RALYL: variants seen among roughly 807,000 people sequenced by gnomAD.
RALYL encodes the protein RNA-binding Raly-like protein.
In RALYL, 29 loss-of-function variants were observed where a neutral mutation model predicts 35.1. That is an observed-to-expected ratio of 0.83 (90% CI 0.61 to 1.13). The LOEUF is 1.13. Ranked by LOEUF, RALYL falls within the 50% of genes most tolerant of loss-of-function variation. RALYL has a pLI of 0.00. For synonymous variants in RALYL, 120 were observed against 127.6 expected (o/e 0.94, Z 0.40); for missense variants, 359 against 360.4 (o/e 1.00, Z 0.03).
chr8:84,689,815 T>G (rs1182648697), intron 2 of RALYL, among the ~76,000 whole-genome samples: 1 of 152,196 alleles, frequency 6.6e-6, no homozygotes, highest in Non-Finnish European at 1.5e-5. Flanking sequence ...GATTTGCATT[T>G]CTCTGATGGC....
At chr8:84,237,913 A>G (rs2131526809) in intron 1 of RALYL, among the ~76,000 whole-genome samples, 1 of 152,230 alleles carries the variant, frequency 6.6e-6, no homozygotes. Flanking sequence ...GGTACACCAA[A>G]AGAGGCCAAA....
intron 1 of RALYL, among the ~76,000 whole-genome samples, chr8:84,511,888 C>G (rs1477684610): frequency 6.6e-6 from 1 of 152,128 alleles, no homozygotes; most frequent in Non-Finnish European, 1.5e-5. Flanking sequence ...CTTTTTATGG[C>G]TAGATAGTAT....
At chr8:84,585,325 T>C (rs1363212454) in intron 2 of RALYL, among the ~76,000 whole-genome samples, 1 of 152,168 alleles carries the variant, frequency 6.6e-6, no homozygotes, top group Non-Finnish European at 1.5e-5. Flanking sequence ...AATTCAGTGC[T>C]GTGTATATTC....
intron 1 of RALYL, among the ~76,000 whole-genome samples, chr8:84,414,359 G>A (rs1476029407): frequency 6.6e-6 from 1 of 152,006 alleles, no homozygotes; most frequent in African/African-American, 2.4e-5. Flanking sequence ...GCTAAAAATA[G>A]CCTCTTTTGA....
At chr8:84,746,709 A>G (rs1808690127) in intron 2 of RALYL, among the ~76,000 whole-genome samples, 1 of 151,986 alleles carries the variant, frequency 6.6e-6, no homozygotes, top group Non-Finnish European at 1.5e-5. Context: ...AACTAGCCCC[A>G]TGCATAAAGT....
intron 1 of RALYL, among the ~76,000 whole-genome samples, chr8:84,337,506 T>C (rs1848021142): frequency 6.6e-6 from 1 of 152,114 alleles, no homozygotes; most frequent in Non-Finnish European, 1.5e-5. Flanking sequence ...GTGTTATTCT[T>C]AATGTCTATA....
At position 84,386,099 on chromosome 8, in the gene RALYL, A is replaced by G. The variant is rs183548763; in HGVS notation, c.-23-143200A>G. On this transcript the variant is annotated intron_variant, in intron 1 of 8. Transcript: ENST00000521268. ...GGGTCTTTTCTGATACTTGAATTAG[A>G]TCACCAGGTCACTGCAGAGTTATAG... Among the ~76,000 whole-genome samples the G allele has an allele frequency of 1.5e-3, 229 of 151,918 alleles. 2 individuals carry two copies. Among genetic ancestry groups the G allele is most frequent in the African/African-American group, 4.5e-3 (186 of 41,502 alleles).
At chr8:84,771,256 T>C (rs1056856149) in intron 2 of RALYL, among the ~76,000 whole-genome samples, 11 of 152,078 alleles carry the variant, frequency 7.2e-5, no homozygotes, top group African/African-American at 2.7e-4. Flanking sequence ...TCTACTGTTG[T>C]ATAGTATTCC....
intron 2 of RALYL, among the ~76,000 whole-genome samples, chr8:84,712,076 C>T (rs1420736036): frequency 6.6e-6 from 1 of 152,078 alleles, no homozygotes; most frequent in Non-Finnish European, 1.5e-5. Flanking sequence ...CTATTAAATT[C>T]AATCTTTGAT....
intron 2 of RALYL, among the ~76,000 whole-genome samples, chr8:84,741,471 A>G (rs1459185129): frequency 6.6e-6 from 1 of 152,064 alleles, no homozygotes; most frequent in Non-Finnish European, 1.5e-5. Flanking sequence ...TCAGTTCCAA[A>G]GGCTGCTCTC....
intron 4 of RALYL, among the ~76,000 whole-genome samples, chr8:84,837,052 G>A (rs1586659906): frequency 1.3e-5 from 2 of 152,106 alleles, no homozygotes; most frequent in Admixed American, 1.3e-4. Context: ...CAGTTCAAAT[G>A]CCAGCTCTTT....
At chr8:84,515,069 T>A (rs1022547949) in intron 1 of RALYL, among the ~76,000 whole-genome samples, 2 of 152,234 alleles carry the variant, frequency 1.3e-5, no homozygotes, top group Non-Finnish European at 2.9e-5. Flanking sequence ...AATCTACTTA[T>A]GTAGTTGCAA....
intron 2 of RALYL, among the ~76,000 whole-genome samples, chr8:84,540,592 C>T (rs189148904): frequency 6.6e-6 from 1 of 151,466 alleles, no homozygotes. Context: ...TTTTTTTAAC[C>T]TCTATGTTCA....
intron 1 of RALYL, among the ~76,000 whole-genome samples, chr8:84,272,621 T>A (rs745974083): frequency 2.0e-5 from 3 of 152,214 alleles, no homozygotes; most frequent in Non-Finnish European, 4.4e-5. Flanking sequence ...ATAATTTTAG[T>A]ACTGATAACA....
rs1323640661 is a variant in RALYL, at chr8:84,852,986, AT to A, written c.413+2963del. On this transcript the variant is annotated intron_variant, in intron 5 of 8. Transcript: ENST00000521268. ...AAGGATACATTTTTCTAATTACTGC[AT>A]TTTGCAAGAATCAATATGACTATCT... Among the ~76,000 whole-genome samples, 6 of 152,312 alleles carry A rather than the reference AT, an allele frequency of 3.9e-5. No individual in the cohort carries two copies. The East Asian group carries it at 1.2e-3, about 29-fold the overall frequency.
intron 2 of RALYL, among the ~76,000 whole-genome samples, chr8:84,739,023 T>C (rs1453691358): frequency 6.6e-6 from 1 of 152,026 alleles, no homozygotes; most frequent in Non-Finnish European, 1.5e-5. Flanking sequence ...GAAGATGACA[T>C]TGGAAATTCC....
chr8:84,425,758 A>G (rs1331880993), intron 1 of RALYL, among the ~76,000 whole-genome samples: 1 of 149,386 alleles, frequency 6.7e-6, no homozygotes, highest in Non-Finnish European at 1.5e-5. Context: ...TTGCAGCATC[A>G]ATTTTTAGAA....
chr8:84,389,093 A>G (rs1859967329), intron 1 of RALYL, among the ~76,000 whole-genome samples: 1 of 152,160 alleles, frequency 6.6e-6, no homozygotes. Context: ...CATTTATTAA[A>G]TAGGGAATCC....
chr8:84,492,332 G>A (rs1419961788), intron 1 of RALYL, among the ~76,000 whole-genome samples: 1 of 152,046 alleles, frequency 6.6e-6, no homozygotes, highest in Non-Finnish European at 1.5e-5. Context: ...ATTCAATTGT[G>A]TAACTATAGC....
Sources: gnomAD v4.1 joint callset for allele counts (sites outside exome capture counted in the v4.1 genomes callset) on GRCh38, gnomAD v4.1.1 for gene constraint, MANE v1.5 for transcripts, NCBI Gene and HGNC (gene_info 2026-07-23, HGNC 2026-07-21) for gene names.